Variants in HIF1A observed in about 807,000 individuals in gnomAD.
HIF1A encodes hypoxia-inducible factor 1-alpha.
Under a neutral mutation model 92.7 loss-of-function variants are expected in HIF1A, and 24 were observed. The observed-to-expected ratio is 0.26, with a 90% CI of 0.19 to 0.36. The LOEUF is 0.36. Among genes scored for constraint, HIF1A ranks in the 10% least tolerant of loss-of-function variants. The pLI is 1.00. For missense variants in HIF1A, 799 were observed against 998.5 expected (o/e 0.80, Z 2.69); for synonymous variants, 319 against 338.7 (o/e 0.94, Z 0.64).
At chr14:61,711,594 G>T (rs1457898703) in intron 1 of HIF1A, among the ~76,000 whole-genome samples, 2 of 152,058 alleles carry the variant, frequency 1.3e-5, no homozygotes. Context: ...TTGGTTTATG[G>T]TGATACTCTT....
chr14:61,741,077 A>G lies in HIF1A; in HGVS notation c.1982A>G (p.Asp661Gly). The change falls in exon 12 of 15, where the codon GAT (aspartate) becomes GGT (glycine). Residue 661 changes from aspartate (D) to glycine (G), a missense_variant. This residue lies in a region of HIF1A where 283 missense variants were observed against 277.5 expected (regional missense o/e 1.02). Transcript: ENST00000337138. ...TTSATSSPYRDTQSRTASPNR... is the reference protein window; with the variant it reads ...TTSATSSPYRGTQSRTASPNR... Reference sequence around the variant, plus strand: ...AGTGCCACATCATCACCATATAGAGATACTCAAAGTCGGACAGCCTCACCA... The same window carrying G: ...AGTGCCACATCATCACCATATAGAGGTACTCAAAGTCGGACAGCCTCACCA... The G allele has an allele frequency of 1.2e-6, 2 of 1,613,992 alleles. No homozygotes were observed. The highest frequency in any genetic ancestry group is 1.7e-6 in the Non-Finnish European group (2 of 1,179,826).
In HIF1A at chr14:61,736,782, T is replaced by G. The variant is rs2044643187; in HGVS notation, c.1029-107T>G. 6 of 700,504 alleles carry G rather than the reference T, an allele frequency of 8.6e-6. No individual in the cohort carries two copies. In the East Asian group the frequency reaches 1.6e-4, roughly 18 times the overall value. The allele number at this position is 700,504 out of a possible 1,614,324, so 43.4% of individuals were successfully genotyped here. ...ATGCATCTCAAGAAATCTTGAAATGTTCCTGTCCATAAAGCAGAATTTTTT... is the reference window on the plus strand; with the variant it reads ...ATGCATCTCAAGAAATCTTGAAATGGTCCTGTCCATAAAGCAGAATTTTTT... On this transcript the variant is annotated intron_variant, in intron 8 of 14. Coordinates refer to ENST00000337138, the MANE Select transcript of HIF1A (RefSeq NM_001530.4).
At chr14:61,704,075 A>G (rs928674877) in intron 1 of HIF1A, among the ~76,000 whole-genome samples, 17 of 152,342 alleles carry the variant, frequency 1.1e-4, no homozygotes, top group African/African-American at 3.8e-4. Context: ...GATGATAAGA[A>G]TAATTGCCTT....
chr14:61,712,973 CAG>C (rs1332303334), intron 1 of HIF1A, among the ~76,000 whole-genome samples: 23 of 144,940 alleles, frequency 1.6e-4, no homozygotes, highest in African/African-American at 4.8e-4. Context: ...AAAAAAAAAA[CAG>C]AAACAAAATG....
intron 4 of HIF1A, among the ~76,000 whole-genome samples, chr14:61,724,376 T>TCTCTCTCTCTCTCTCC (rs1176630262): frequency 1.3e-5 from 2 of 150,172 alleles, no homozygotes; most frequent in South Asian, 2.1e-4. Flanking sequence ...TCTCTCTCTC[T>TCTCTCTCTCTCTCTCC]CTCTCCCCCT....
intron 1 of HIF1A, among the ~76,000 whole-genome samples, chr14:61,718,368 T>C (rs185518799): frequency 5.9e-4 from 90 of 152,258 alleles, no homozygotes; most frequent in Admixed American, 2.5e-3. Context: ...TTGAACCAGA[T>C]AGAAATCTAT....
chr14:61,698,252 G>T (rs191665879), intron 1 of HIF1A, among the ~76,000 whole-genome samples: 1 of 152,304 alleles, frequency 6.6e-6, no homozygotes, highest in Admixed American at 6.5e-5. Flanking sequence ...TTCTCCTTAT[G>T]ATTCTATTTT....
chr14:61,712,550 A>G (rs1038285107), intron 1 of HIF1A, among the ~76,000 whole-genome samples: 2 of 149,930 alleles, frequency 1.3e-5, no homozygotes, highest in Non-Finnish European at 3.0e-5. Context: ...AGGGAGACAA[A>G]AGAATATAAG....
intron 7 of HIF1A, 49 bp downstream of exon 7, chr14:61,732,573 C>G (rs745399928): frequency 3.4e-6 from 4 of 1,163,260 alleles, no homozygotes. Context: ...TTAACTGTTG[C>G]AACCTCTGTA....
At chr14:61,702,567 A>G (rs926359904) in intron 1 of HIF1A, among the ~76,000 whole-genome samples, 3 of 152,044 alleles carry the variant, frequency 2.0e-5, no homozygotes, top group Non-Finnish European at 4.4e-5. Context: ...TTTAAATTCT[A>G]TTACTTTATA....
intron 6 of HIF1A, among the ~76,000 whole-genome samples, chr14:61,731,348 C>T (rs1182885643): frequency 1.3e-5 from 2 of 152,148 alleles, no homozygotes; most frequent in Non-Finnish European, 2.9e-5. Context: ...TTCCTCATGT[C>T]ATGGTTGCCA....
rs2044664165 is a variant in HIF1A, at chr14:61,738,300, C to G, written c.1463C>G (p.Ser488Cys). 1.9e-6 allele frequency: 3 copies of G among 1,614,150 alleles called. No homozygotes were observed. Among genetic ancestry groups the G allele is most frequent in the Non-Finnish European group, 1.7e-6 (2 of 1,180,000 alleles). The change falls in exon 10 of 15, where the codon TCT becomes TGT. Residue 488 changes from serine (S) to cysteine (C), a missense_variant. Transcript: ENST00000337138. ...CCAAATCCAGAGTCACTGGAACTTTCTTTTACCATGCCCCAGATTCAGGAT... is the reference window on the plus strand; with the variant it reads ...CCAAATCCAGAGTCACTGGAACTTTGTTTTACCATGCCCCAGATTCAGGAT... ...LEPNPESLELSFTMPQIQDQT... is the reference protein window; with the variant it reads ...LEPNPESLELCFTMPQIQDQT...
chr14:61,743,446 A>G (rs998889170), intron 12 of HIF1A, among the ~76,000 whole-genome samples: 1 of 152,230 alleles, frequency 6.6e-6, no homozygotes, highest in African/African-American at 2.4e-5. Context: ...AAAAATTAAG[A>G]TAAACCATTA....
chr14:61,714,817 T>C (rs986722936), intron 1 of HIF1A, among the ~76,000 whole-genome samples: 4 of 152,176 alleles, frequency 2.6e-5, no homozygotes, highest in Admixed American at 2.6e-4. Context: ...GCAGATCACC[T>C]GAGGTCAGGA....
At chr14:61,707,193 T>C (rs943061726) in intron 1 of HIF1A, among the ~76,000 whole-genome samples, 2 of 152,206 alleles carry the variant, frequency 1.3e-5, no homozygotes, top group African/African-American at 4.8e-5. Context: ...CAGATTATCA[T>C]CATTGGTAAC....
At position 61,722,117 on chromosome 14, in the gene HIF1A, G is replaced by A. The variant is rs72714568; in HGVS notation, c.457+294G>A. Among the ~76,000 whole-genome samples the A allele has an allele frequency of 5.4e-3, 807 of 148,200 alleles. 4 individuals are homozygous for A. The highest frequency in any genetic ancestry group is 9.1e-3 in the Admixed American group (134 of 14,750). The stretch of plus-strand genomic sequence containing the variant: ...TTTTTTTTTTTTAAGATGGGGTCTC[G>A]CTCTTTTGCCCATGCTGGAGTGCAG... On this transcript the variant is annotated intron_variant, in intron 4 of 14. Coordinates refer to ENST00000337138, the MANE Select transcript of HIF1A (RefSeq NM_001530.4).
intron 7 of HIF1A, 109 bp from the exon 8 acceptor site, chr14:61,734,029 A>T: frequency 1.4e-6 from 1 of 734,766 alleles, no homozygotes; most frequent in Non-Finnish European, 2.1e-6. Context: ...TCCACTAAAT[A>T]AACATTTGTT....
At chr14:61,722,649 A>G (rs1021318492) in intron 4 of HIF1A, among the ~76,000 whole-genome samples, 4 of 152,250 alleles carry the variant, frequency 2.6e-5, no homozygotes, top group Non-Finnish European at 4.4e-5. Flanking sequence ...CTAAGGCCCA[A>G]TAAAAAAAGT....
Position 61,733,356 on chromosome 14 carries a change from G to A in HIF1A, c.881-782G>A, listed in dbSNP as rs78960671. Among the ~76,000 whole-genome samples the A allele has an allele frequency of 1.4e-3, 212 of 152,268 alleles. 2 individuals carry two copies. Among genetic ancestry groups the A allele is most frequent in the African/African-American group, 5.0e-3 (206 of 41,546 alleles). ...CTGCCTTGGCACCCGGCCTCTTTTAGTTTCTTTAAAATGTACAATTAAATT... is the reference window on the plus strand; with the variant it reads ...CTGCCTTGGCACCCGGCCTCTTTTAATTTCTTTAAAATGTACAATTAAATT... On this transcript the variant is annotated intron_variant, in intron 7 of 14. Coordinates refer to ENST00000337138, the MANE Select transcript of HIF1A (RefSeq NM_001530.4).
Sources: gnomAD v4.1 joint callset for allele counts (sites outside exome capture counted in the v4.1 genomes callset) on GRCh38, gnomAD v4.1.1 for gene constraint, gnomAD v4.1.1 regional missense constraint, MANE v1.5 for transcripts, NCBI Gene and HGNC (gene_info 2026-07-23, HGNC 2026-07-21) for gene names.